The following MAF variants were observed in gnomAD, a reference collection of about 807,000 sequenced individuals.
MAF encodes transcription factor Maf.
A neutral mutation model predicts 22.0 loss-of-function variants in MAF; 10 were observed. That is an observed-to-expected ratio of 0.45 (90% confidence interval 0.28 to 0.77). The LOEUF (loss-of-function observed/expected upper bound fraction) is 0.77. Ranked by LOEUF, MAF falls within the 30% of genes least tolerant of loss-of-function variation. The pLI is 0.12. For synonymous variants in MAF, 337 were observed against 255.8 expected (o/e 1.32, Z -3.03); for missense variants, 544 against 548.4 (o/e 0.99, Z 0.08).
the MAF span, among the ~76,000 whole-genome samples, chr16:79,547,003 T>G: frequency 7.2e-5 from 11 of 152,154 alleles, no homozygotes; most frequent in African/African-American, 2.7e-4. Context: ...ACATTTTAAT[T>G]CACCTCTGTG....
chr16:79,365,612 G>A, the MAF span, among the ~76,000 whole-genome samples: 1 of 151,992 alleles, frequency 6.6e-6, no homozygotes, highest in Non-Finnish European at 1.5e-5. Flanking sequence ...GGGTGTAGGG[G>A]TCTGTGACCT....
the MAF span, among the ~76,000 whole-genome samples, chr16:79,480,866 C>G: frequency 1.3e-5 from 2 of 152,098 alleles, no homozygotes; most frequent in Admixed American, 6.5e-5. Context: ...TGGATAGGAC[C>G]GTGGGACTGG....
chr16:79,497,217 A>G, the MAF span, among the ~76,000 whole-genome samples: 3 of 152,130 alleles, frequency 2.0e-5, no homozygotes, highest in East Asian at 5.8e-4. Flanking sequence ...CTTGCCTCCG[A>G]ATCCTCATAT....
At chr16:79,278,187 G>A in the MAF span, among the ~76,000 whole-genome samples, 1 of 152,214 alleles carries the variant, frequency 6.6e-6, no homozygotes, top group Non-Finnish European at 1.5e-5. Context: ...AGACAGTCTC[G>A]GGAAATGGGA....
the MAF span, among the ~76,000 whole-genome samples, chr16:79,288,430 T>C: frequency 1.3e-5 from 2 of 152,150 alleles, no homozygotes; most frequent in African/African-American, 4.8e-5. Flanking sequence ...GGGGAGGCCA[T>C]GTGGACAGAG....
At chr16:79,488,732 T>C in the MAF span, among the ~76,000 whole-genome samples, 3 of 152,190 alleles carry the variant, frequency 2.0e-5, no homozygotes, top group South Asian at 4.2e-4. Context: ...TGTCTTGCTA[T>C]GTCAGAGGCA....
the MAF span, among the ~76,000 whole-genome samples, chr16:79,410,858 G>A: frequency 1.3e-5 from 2 of 152,312 alleles, no homozygotes; most frequent in South Asian, 2.1e-4. Flanking sequence ...CCTGATTGGA[G>A]GCAGAGAGGC....
the MAF span, among the ~76,000 whole-genome samples, chr16:79,207,621 A>C: frequency 2.0e-5 from 3 of 152,192 alleles, no homozygotes; most frequent in Admixed American, 6.5e-5. Context: ...TATTTTTTAT[A>C]TATCTCATAG....
the MAF span, among the ~76,000 whole-genome samples, chr16:79,302,193 G>A: frequency 1.3e-5 from 2 of 152,220 alleles, no homozygotes; most frequent in African/African-American, 2.4e-5. Context: ...CCACTGCTTG[G>A]AATGACTCAG....
At chr16:79,503,221 CT>C in the MAF span, among the ~76,000 whole-genome samples, 1 of 152,090 alleles carries the variant, frequency 6.6e-6, no homozygotes, top group Non-Finnish European at 1.5e-5. Flanking sequence ...CAACAACCAC[CT>C]TGTTTCTATT....
the MAF span, among the ~76,000 whole-genome samples, chr16:79,488,564 C>G: frequency 6.6e-6 from 1 of 152,188 alleles, no homozygotes; most frequent in Admixed American, 6.5e-5. Context: ...AACATGCTAT[C>G]TGGATCACAG....
At chr16:79,419,061 T>A in the MAF span, among the ~76,000 whole-genome samples, 2 of 152,346 alleles carry the variant, frequency 1.3e-5, no homozygotes, top group East Asian at 3.9e-4. Flanking sequence ...TCAGCAGTGT[T>A]TGCACAGGAA....
At chr16:79,219,506 G>A in the MAF span, among the ~76,000 whole-genome samples, 5 of 133,492 alleles carry the variant, frequency 3.7e-5, no homozygotes, top group East Asian at 2.2e-4. Context: ...AGCGGACATC[G>A]CGCCACTGCA....
the MAF span, among the ~76,000 whole-genome samples, chr16:79,354,219 C>G: frequency 2.6e-5 from 4 of 151,922 alleles, no homozygotes; most frequent in Admixed American, 6.6e-5. Context: ...TCTCAAAGTC[C>G]TGGCTCAAGT....
the MAF span, among the ~76,000 whole-genome samples, chr16:79,238,810 G>T: frequency 6.6e-6 from 1 of 151,970 alleles, no homozygotes; most frequent in Admixed American, 6.6e-5. Flanking sequence ...CACCTAGGCA[G>T]GCAGGATCTC....
chr16:79,413,630 A>T, the MAF span, among the ~76,000 whole-genome samples: 19 of 152,246 alleles, frequency 1.2e-4, no homozygotes, highest in African/African-American at 4.6e-4. Context: ...TAGAGTTATT[A>T]TAAGCATTAG....
At chr16:79,307,521 A>G in the MAF span, among the ~76,000 whole-genome samples, 1 of 152,244 alleles carries the variant, frequency 6.6e-6, no homozygotes, top group African/African-American at 2.4e-5. Flanking sequence ...AATACCCCAC[A>G]CACATCCAAT....
chr16:79,463,621 A>G, the MAF span, among the ~76,000 whole-genome samples: 1 of 152,206 alleles, frequency 6.6e-6, no homozygotes, highest in Non-Finnish European at 1.5e-5. Flanking sequence ...TCTCTAGGTC[A>G]AGTCAAACCC....
chr16:79,251,794 G>C, the MAF span, among the ~76,000 whole-genome samples: 2 of 152,144 alleles, frequency 1.3e-5, no homozygotes, highest in Non-Finnish European at 2.9e-5. Flanking sequence ...CAAGCGATCA[G>C]GTATCTATTC....
Sources: allele counts gnomAD v4.1 joint callset (sites outside exome capture counted in the v4.1 genomes callset), GRCh38; gene constraint gnomAD v4.1.1; transcripts MANE v1.5; gene names NCBI Gene and HGNC (gene_info 2026-07-23, HGNC 2026-07-21).